EYS: variants seen among roughly 807,000 people sequenced by gnomAD.
The protein encoded by EYS is EGF-like photoreceptor maintenance factor.
EYS carries 250 observed loss-of-function variants against 282.1 expected under a neutral mutation model. That is an observed-to-expected ratio of 0.89 (90% CI 0.80 to 0.98). The LOEUF is 0.98. Ranked by LOEUF, EYS falls within the 50% of genes least tolerant of loss-of-function variation. The pLI, the probability that EYS is intolerant of heterozygous loss-of-function variation, is 0.00. For synonymous variants in EYS, 1,355 were observed against 1,282.9 expected, an observed-to-expected ratio of 1.06 and a Z score of -1.20; for missense variants, 4,016 against 3,709.0, an observed-to-expected ratio of 1.08 and a Z score of -2.15.
chr6:64,393,266 C>T (rs1044796197), intron 28 of EYS, among the ~76,000 whole-genome samples: 3 of 152,164 alleles, frequency 2.0e-5, no homozygotes, highest in Admixed American at 6.5e-5. Flanking sequence ...AGGGAATCCT[C>T]CCTAACTCAT....
chr6:65,184,719 G>T (rs992900550), intron 12 of EYS, among the ~76,000 whole-genome samples: 5 of 151,576 alleles, frequency 3.3e-5, no homozygotes, highest in African/African-American at 1.2e-4. Context: ...ACCTAATGCT[G>T]TAAGGGTTTT....
At chr6:65,126,915 T>C (rs1775735107) in intron 12 of EYS, among the ~76,000 whole-genome samples, 1 of 152,118 alleles carries the variant, frequency 6.6e-6, no homozygotes, top group Non-Finnish European at 1.5e-5. Context: ...TGAAAGCTGT[T>C]GACCTGAGGC....
chr6:64,277,544 A>G (rs894111290), intron 30 of EYS, among the ~76,000 whole-genome samples: 2 of 152,126 alleles, frequency 1.3e-5, no homozygotes, highest in African/African-American at 2.4e-5. Context: ...AGAAAGAAGT[A>G]AAAGGACTGG....
chr6:64,093,019 C>T (rs1211012650), intron 31 of EYS, among the ~76,000 whole-genome samples: 3 of 151,980 alleles, frequency 2.0e-5, no homozygotes, highest in African/African-American at 7.3e-5. Flanking sequence ...GAATCCTTTC[C>T]CCATTGCTTG....
At chr6:64,820,995 A>C (rs1764882876) in intron 21 of EYS, among the ~76,000 whole-genome samples, 1 of 152,078 alleles carries the variant, frequency 6.6e-6, no homozygotes, top group South Asian at 2.1e-4. Flanking sequence ...TTACCATGTT[A>C]TTGTCAATCA....
intron 19 of EYS, among the ~76,000 whole-genome samples, chr6:64,833,303 T>C (rs1396592436): frequency 6.6e-6 from 1 of 151,918 alleles, no homozygotes; most frequent in Non-Finnish European, 1.5e-5. Flanking sequence ...GTAACCTGTG[T>C]GTAGCTAGGA....
At chr6:63,829,333 T>C (rs1451250606) in intron 36 of EYS, among the ~76,000 whole-genome samples, 1 of 152,110 alleles carries the variant, frequency 6.6e-6, no homozygotes, top group East Asian at 1.9e-4. Flanking sequence ...CCATGACAGA[T>C]GGTACCTGGA....
At chr6:63,763,186 G>A (rs1316588830) in intron 40 of EYS, among the ~76,000 whole-genome samples, 1 of 152,046 alleles carries the variant, frequency 6.6e-6, no homozygotes, top group African/African-American at 2.4e-5. Context: ...TGACCAAGAG[G>A]TGTCCCTCTA....
intron 22 of EYS, among the ~76,000 whole-genome samples, chr6:64,774,709 A>G (rs1773627388): frequency 6.6e-6 from 1 of 151,908 alleles, no homozygotes; most frequent in Non-Finnish European, 1.5e-5. Flanking sequence ...AATCTGGCCA[A>G]TCAGATAGAC....
intron 22 of EYS, among the ~76,000 whole-genome samples, chr6:64,688,079 A>G (rs1051348779): frequency 6.6e-6 from 1 of 151,526 alleles, no homozygotes; most frequent in Non-Finnish European, 1.5e-5. Flanking sequence ...TATCCCCTTT[A>G]TCATTTTTTA....
chr6:63,870,003 T>C (rs1473992873), intron 35 of EYS, among the ~76,000 whole-genome samples: 1 of 152,184 alleles, frequency 6.6e-6, no homozygotes, highest in Non-Finnish European at 1.5e-5. Context: ...GTGCTCACTG[T>C]AAAATTAGCC....
chr6:65,398,768 T>C (rs1302488663), intron 7 of EYS, among the ~76,000 whole-genome samples: 1 of 152,132 alleles, frequency 6.6e-6, no homozygotes, highest in African/African-American at 2.4e-5. Context: ...ATATCTCTAC[T>C]TGGCTCTATT....
intron 9 of EYS, among the ~76,000 whole-genome samples, chr6:65,348,373 T>C (rs972616995): frequency 9.2e-5 from 14 of 151,772 alleles, no homozygotes; most frequent in Non-Finnish European, 5.9e-5. Context: ...GGTTCCCTTT[T>C]CTATACATTC....
chr6:63,954,497 G>T (rs191012598), intron 35 of EYS, among the ~76,000 whole-genome samples: 307 of 152,130 alleles, frequency 2.0e-3, no homozygotes, highest in Middle Eastern at 0.01. Context: ...ACTATGTAAG[G>T]GTCCCCCATC....
At chr6:63,888,388 G>T (rs553142800) in intron 35 of EYS, among the ~76,000 whole-genome samples, 86 of 152,352 alleles carry the variant, frequency 5.6e-4, no homozygotes, top group African/African-American at 2.0e-3. Context: ...ATACAGGAGA[G>T]CTCTGTCTGG....
chr6:64,081,412 C>A (rs184377324), intron 32 of EYS, among the ~76,000 whole-genome samples: 4,347 of 151,912 alleles, frequency 0.029, 66 homozygotes, highest in Non-Finnish European at 0.046. Context: ...TAAAAAAAAA[C>A]CAGCTTATAT....
At chr6:65,533,450 T>C (rs558841631) in intron 2 of EYS, among the ~76,000 whole-genome samples, 2 of 152,052 alleles carry the variant, frequency 1.3e-5, no homozygotes, top group South Asian at 2.1e-4. Context: ...CCCCAATCAA[T>C]AGAAAAAGAG....
At chr6:63,953,468 G>A (rs114288678) in intron 35 of EYS, among the ~76,000 whole-genome samples, 1 of 152,070 alleles carries the variant, frequency 6.6e-6, no homozygotes, top group African/African-American at 2.4e-5. Context: ...CATCTGTTAC[G>A]TATCTTGGCA....
chr6:64,496,720 GTTATAA>G (rs1582821349), intron 26 of EYS, among the ~76,000 whole-genome samples: 1 of 151,952 alleles, frequency 6.6e-6, no homozygotes, highest in Admixed American at 6.6e-5. Flanking sequence ...AATGTTAAAT[GTTATAA>G]TTATAAGCTT....
Sources: allele counts gnomAD v4.1 joint callset (sites outside exome capture counted in the v4.1 genomes callset), GRCh38; gene constraint gnomAD v4.1.1; transcripts MANE v1.5; gene names NCBI Gene and HGNC (gene_info 2026-07-23, HGNC 2026-07-21).